Variants in SPAG16 observed in about 807,000 individuals in gnomAD.
The protein encoded by SPAG16 is sperm-associated antigen 16 protein.
A neutral mutation model predicts 80.4 loss-of-function variants in SPAG16; 86 were observed. The observed-to-expected ratio is 1.07, with a 90% confidence interval of 0.90 to 1.28. The LOEUF (loss-of-function observed/expected upper bound fraction) is 1.28, where lower values mean the gene tolerates loss of function less well. SPAG16 is among the 50% of genes most tolerant of loss of function. The pLI is 0.00. For missense variants in SPAG16, 870 were observed against 765.3 expected (o/e 1.14, Z -1.61); for synonymous variants, 294 against 265.9 (o/e 1.11, Z -1.03).
intron 4 of SPAG16, among the ~76,000 whole-genome samples, chr2:213,314,493 T>C (rs1376502965): frequency 1.3e-5 from 2 of 151,916 alleles, no homozygotes; most frequent in Non-Finnish European, 2.9e-5. Context: ...TTCTGTAGTT[T>C]GTGCATTAAA....
Position 213,760,572 on chromosome 2 carries a change from ACT to A in SPAG16, c.1071-101910_1071-101909del, listed in dbSNP as rs372542577. 2.0e-4 allele frequency among the ~76,000 whole-genome samples: 30 copies of A among 152,144 alleles called. No individual in the cohort carries two copies. The East Asian group carries it at 4.8e-3, about 24-fold the overall frequency. On this transcript the variant is annotated intron_variant, in intron 10 of 15. Coordinates refer to ENST00000331683, the MANE Select transcript of SPAG16 (RefSeq NM_024532.5). ...ATTAAAAAAAAAACAATTAGACCTA[ACT>A]CTGTGCAACAACAGCGTACACATTC...
intron 10 of SPAG16, among the ~76,000 whole-genome samples, chr2:213,520,583 G>A (rs889267329): frequency 6.6e-6 from 1 of 152,142 alleles, no homozygotes; most frequent in Non-Finnish European, 1.5e-5. Flanking sequence ...GACAGAGCAA[G>A]ACTCCATCTC....
At chr2:214,103,100 C>T (rs182391718) in intron 13 of SPAG16, among the ~76,000 whole-genome samples, 18 of 152,232 alleles carry the variant, frequency 1.2e-4, no homozygotes, top group Admixed American at 1.2e-3. Flanking sequence ...TCTCCAGTGG[C>T]ATGTGCCCCC....
At chr2:213,913,827 C>T (rs1353000250) in intron 11 of SPAG16, among the ~76,000 whole-genome samples, 1 of 151,974 alleles carries the variant, frequency 6.6e-6, no homozygotes, top group Non-Finnish European at 1.5e-5. Flanking sequence ...GGTGAGCAGG[C>T]TGGGGATCCA....
At chr2:214,228,656 C>A (rs750174870) in intron 15 of SPAG16, among the ~76,000 whole-genome samples, 42 of 151,810 alleles carry the variant, frequency 2.8e-4, no homozygotes, top group Non-Finnish European at 4.7e-4. Flanking sequence ...AGAAAGTCTG[C>A]AATTAGGGCC....
chr2:214,000,273 T>A (rs1486706232), intron 12 of SPAG16, among the ~76,000 whole-genome samples: 1 of 152,178 alleles, frequency 6.6e-6, no homozygotes, highest in Non-Finnish European at 1.5e-5. Flanking sequence ...CTCAGGGTAC[T>A]GAATAAGTCT....
chr2:214,123,972 AT>A (rs1279683274), intron 14 of SPAG16, among the ~76,000 whole-genome samples: 1 of 151,966 alleles, frequency 6.6e-6, no homozygotes, highest in Non-Finnish European at 1.5e-5. Flanking sequence ...TTTGTAATGG[AT>A]TTTTTTATGT....
At chr2:214,013,874 C>G in intron 12 of SPAG16, 77 bp from the exon 13 acceptor site, 1 of 1,394,470 alleles carries the variant, frequency 7.2e-7, no homozygotes. Flanking sequence ...TGCCTCAGTT[C>G]CTTAAATTAT....
In SPAG16 at chr2:213,407,637, G is replaced by GAGAC. The variant is rs1435751730; in HGVS notation, c.942+32529_942+32532dup. ...AGAGAGAGAGAGAGAGAGAGAGAGAGAGACAGACAGACAGGAGAGAGAGAG... is the reference window on the plus strand; with the variant it reads ...AGAGAGAGAGAGAGAGAGAGAGAGAGAGACAGACAGACAGACAGGAGAGAGAGAG... On this transcript the variant is annotated intron_variant, in intron 9 of 15. Transcript: ENST00000331683. Among the ~76,000 whole-genome samples, 137 of 98,808 alleles carry GAGAC rather than the reference G, an allele frequency of 1.4e-3. 2 individuals are homozygous for GAGAC. The highest frequency in any genetic ancestry group is 5.1e-3 in the Middle Eastern group (1 of 196). The allele number at this position is 98,808 out of a possible 152,430, so 64.8% of individuals were successfully genotyped here.
chr2:213,504,807 T>C (rs1008910972), intron 10 of SPAG16, among the ~76,000 whole-genome samples: 3 of 152,228 alleles, frequency 2.0e-5, no homozygotes, highest in Non-Finnish European at 4.4e-5. Flanking sequence ...GGTTGAATTC[T>C]GGCTAAATGT....
intron 10 of SPAG16, among the ~76,000 whole-genome samples, chr2:213,713,983 C>G (rs962886242): frequency 7.2e-5 from 11 of 152,124 alleles, no homozygotes; most frequent in African/African-American, 2.4e-4. Flanking sequence ...ATCAAAAGTT[C>G]TATAACATGA....
chr2:213,874,952 AT>A (rs1178819659), intron 11 of SPAG16, among the ~76,000 whole-genome samples: 1 of 151,994 alleles, frequency 6.6e-6, no homozygotes, highest in South Asian at 2.1e-4. Flanking sequence ...TAGAAATATT[AT>A]TTTTTAAGAA....
chr2:214,348,303 T>G (rs377496987), intron 15 of SPAG16, among the ~76,000 whole-genome samples: 22 of 152,252 alleles, frequency 1.4e-4, no homozygotes, highest in African/African-American at 5.3e-4. Flanking sequence ...GGGATGAGGG[T>G]GTTTTTCACA....
chr2:213,834,698 G>C (rs577643463), intron 10 of SPAG16, among the ~76,000 whole-genome samples: 1 of 152,194 alleles, frequency 6.6e-6, no homozygotes, highest in South Asian at 2.1e-4. Flanking sequence ...AGTGGAAAGA[G>C]GTCAGAGAAA....
intron 12 of SPAG16, among the ~76,000 whole-genome samples, chr2:213,996,565 CTTTTTTTTT>C (rs57100155): frequency 2.6e-5 from 3 of 116,994 alleles, no homozygotes; most frequent in Non-Finnish European, 1.8e-5. Context: ...TAATGCTATT[CTTTTTTTTT>C]TTTTTTTTTT....
chr2:214,280,756 G>T, intron 15 of SPAG16: 1 of 426,458 alleles, frequency 2.3e-6, no homozygotes, highest in Non-Finnish European at 4.5e-6. Context: ...TATTTCCTGG[G>T]CGTCTTCTCA....
chr2:214,043,471 G>T (rs1296763574), intron 13 of SPAG16, among the ~76,000 whole-genome samples: 3 of 152,090 alleles, frequency 2.0e-5, no homozygotes, highest in Non-Finnish European at 4.4e-5. Context: ...TCAATTTCAG[G>T]CAAGCTGCTT....
At chr2:214,166,132 CA>C (rs2056643500) in intron 15 of SPAG16, among the ~76,000 whole-genome samples, 1 of 152,130 alleles carries the variant, frequency 6.6e-6, no homozygotes, top group Admixed American at 6.6e-5. Flanking sequence ...GATAGATTTT[CA>C]TAGTACATAG....
chr2:214,102,255 T>C (rs1168188022), intron 13 of SPAG16, among the ~76,000 whole-genome samples: 3 of 151,954 alleles, frequency 2.0e-5, no homozygotes, highest in East Asian at 1.9e-4. Context: ...GTTTGTCTTG[T>C]GGAGCGTAAT....
Sources: gnomAD v4.1 joint callset for allele counts (sites outside exome capture counted in the v4.1 genomes callset) on GRCh38, gnomAD v4.1.1 for gene constraint, MANE v1.5 for transcripts, NCBI Gene and HGNC (gene_info 2026-07-23, HGNC 2026-07-21) for gene names.